The following MAML3 variants were observed in gnomAD, a reference collection of about 807,000 sequenced individuals.
The protein encoded by MAML3 is mastermind like transcriptional coactivator 3.
A neutral mutation model predicts 101.9 loss-of-function variants in MAML3; 27 were observed. That is an observed-to-expected ratio of 0.27 (90% CI 0.20 to 0.37). The LOEUF is 0.37. MAML3 is among the 10% of genes least tolerant of loss of function. The pLI is 1.00. For synonymous variants in MAML3, 501 were observed against 555.9 expected, an observed-to-expected ratio of 0.90 and a Z score of 1.39; for missense variants, 1,316 against 1,444.9, an observed-to-expected ratio of 0.91 and a Z score of 1.45.
At chr4:139,821,623 C>T (rs1360560497) in intron 2 of MAML3, among the ~76,000 whole-genome samples, 2 of 152,196 alleles carry the variant, frequency 1.3e-5, no homozygotes, top group Non-Finnish European at 2.9e-5. Flanking sequence ...CTACCACACT[C>T]CACCTGAAGA....
At position 139,731,710 on chromosome 4, in the gene MAML3, C is replaced by T. The variant is rs556604235; in HGVS notation, c.2080-1043G>A. On this transcript the variant is annotated intron_variant, in intron 2 of 4. Coordinates refer to ENST00000509479, the MANE Select transcript of MAML3 (RefSeq NM_018717.5). ...ATTCTATAATTATATGTCAGCCAGTCGAATGATGGCAACTTTTAAGGACTG... is the reference window on the plus strand; with the variant it reads ...ATTCTATAATTATATGTCAGCCAGTTGAATGATGGCAACTTTTAAGGACTG... Among the ~76,000 whole-genome samples, 24 of 152,194 alleles carry T rather than the reference C, an allele frequency of 1.6e-4. 1 individual carries two copies. The highest frequency in any genetic ancestry group is 1.4e-3 in the Admixed American group (22 of 15,286).
At chr4:139,910,252 C>A (rs2111222741) in intron 1 of MAML3, among the ~76,000 whole-genome samples, 1 of 152,316 alleles carries the variant, frequency 6.6e-6, no homozygotes, top group East Asian at 1.9e-4. Context: ...CCCAGGCTTT[C>A]TGAATCAGAA....
Position 139,764,690 on chromosome 4 carries a change from G to A in MAML3, c.2080-34023C>T, listed in dbSNP as rs535979818. 8.5e-5 allele frequency among the ~76,000 whole-genome samples: 13 copies of A among 152,316 alleles called. No individual in the cohort carries two copies. The South Asian group carries it at 1.5e-3, about 17-fold the overall frequency. On this transcript the variant is annotated intron_variant, in intron 2 of 4. Transcript: ENST00000509479. ...TTATTGGGCATTCTACTGGAAACGC[G>A]GGGAAAGAACAGCAACATCTCCCGG...
chr4:139,837,417 G>A (rs1484621900), intron 2 of MAML3, among the ~76,000 whole-genome samples: 1 of 152,006 alleles, frequency 6.6e-6, no homozygotes, highest in Non-Finnish European at 1.5e-5. Context: ...AGAATGGCAT[G>A]AACCCGGGAA....
chr4:139,906,833 C>T (rs1283357996), intron 1 of MAML3, among the ~76,000 whole-genome samples: 16 of 152,192 alleles, frequency 1.1e-4, no homozygotes, highest in Admixed American at 1.0e-3. Flanking sequence ...CTAAAACTCC[C>T]CTGGGACAGA....
chr4:140,102,180 A>G (rs1260372598), intron 1 of MAML3, among the ~76,000 whole-genome samples: 1 of 152,216 alleles, frequency 6.6e-6, no homozygotes, highest in Non-Finnish European at 1.5e-5. Context: ...GAAGGCATGA[A>G]TTGAGGCACT....
At chr4:140,058,853 G>C (rs1727397158) in intron 1 of MAML3, among the ~76,000 whole-genome samples, 1 of 152,074 alleles carries the variant, frequency 6.6e-6, no homozygotes, top group African/African-American at 2.4e-5. Context: ...AACACAGTTA[G>C]AACAGAGAAT....
At chr4:139,910,916 C>T (rs531264869) in intron 1 of MAML3, among the ~76,000 whole-genome samples, 1 of 152,274 alleles carries the variant, frequency 6.6e-6, no homozygotes, top group East Asian at 1.9e-4. Context: ...ACCATCTTAG[C>T]CATTTCTAAG....
chr4:139,758,063 C>T (rs1729687940), intron 2 of MAML3, among the ~76,000 whole-genome samples: 1 of 152,204 alleles, frequency 6.6e-6, no homozygotes, highest in African/African-American at 2.4e-5. Context: ...TTTGTATTCA[C>T]TCGCCTCTTG....
chr4:139,742,018 A>C (rs1362969574), intron 2 of MAML3, among the ~76,000 whole-genome samples: 3 of 152,230 alleles, frequency 2.0e-5, no homozygotes, highest in Non-Finnish European at 1.5e-5. Context: ...TTTAGAAAGA[A>C]TATAGCACTC....
intron 1 of MAML3, among the ~76,000 whole-genome samples, chr4:140,058,566 G>GTA (rs10545710): frequency 0.013 from 1,946 of 148,458 alleles, 13 homozygotes; most frequent in Non-Finnish European, 0.018. Flanking sequence ...TATAATACAT[G>GTA]TATATATATA....
chr4:139,865,465 C>T (rs78651811), intron 2 of MAML3, among the ~76,000 whole-genome samples: 472 of 150,698 alleles, frequency 3.1e-3, no homozygotes, highest in African/African-American at 0.011. Context: ...AATTACAGAG[C>T]CCTTTGACCT....
intron 2 of MAML3, among the ~76,000 whole-genome samples, chr4:139,754,573 T>A (rs999892908): frequency 6.6e-6 from 1 of 152,260 alleles, no homozygotes; most frequent in Non-Finnish European, 1.5e-5. Flanking sequence ...TAAACTTTTA[T>A]GTATATCTCT....
intron 2 of MAML3, among the ~76,000 whole-genome samples, chr4:139,807,081 G>T (rs900436086): frequency 1.3e-5 from 2 of 152,138 alleles, no homozygotes; most frequent in African/African-American, 2.4e-5. Flanking sequence ...GACAATATAC[G>T]TTCAGTGGCA....
chr4:139,889,061 G>A, intron 2 of MAML3: 1 of 507,352 alleles, frequency 2.0e-6, no homozygotes. Flanking sequence ...AGTGACCTCT[G>A]CAGCCTCCCT....
intron 2 of MAML3, among the ~76,000 whole-genome samples, chr4:139,867,755 A>G (rs966760782): frequency 6.6e-6 from 1 of 152,246 alleles, no homozygotes; most frequent in Non-Finnish European, 1.5e-5. Flanking sequence ...ACAGATGAGA[A>G]AACTGAAGTT....
At chr4:140,034,837 A>G (rs1276594893) in intron 1 of MAML3, among the ~76,000 whole-genome samples, 3 of 152,384 alleles carry the variant, frequency 2.0e-5, no homozygotes, top group East Asian at 1.9e-4. Flanking sequence ...TTAATAATAT[A>G]CAACCAAATC....
At chr4:139,929,054 AG>A (rs1733326351) in intron 1 of MAML3, among the ~76,000 whole-genome samples, 1 of 152,232 alleles carries the variant, frequency 6.6e-6, no homozygotes, top group African/African-American at 2.4e-5. Context: ...GGATTTCAAA[AG>A]GAGATATTAA....
At chr4:139,751,566 G>C (rs952981842) in intron 2 of MAML3, among the ~76,000 whole-genome samples, 1 of 152,132 alleles carries the variant, frequency 6.6e-6, no homozygotes, top group African/African-American at 2.4e-5. Context: ...AAAAAATTTT[G>C]GATTTTGGAG....
Sources: gnomAD v4.1 joint callset for allele counts (sites outside exome capture counted in the v4.1 genomes callset) on GRCh38, gnomAD v4.1.1 for gene constraint, MANE v1.5 for transcripts, NCBI Gene and HGNC (gene_info 2026-07-23, HGNC 2026-07-21) for gene names.